Variants in SMC1B observed in about 807,000 individuals in gnomAD.
The protein encoded by SMC1B is structural maintenance of chromosomes protein 1B.
In SMC1B, 60 loss-of-function variants were observed where a neutral mutation model predicts 157.9. That is an observed-to-expected ratio of 0.38 (90% CI 0.31 to 0.47). The LOEUF (loss-of-function observed/expected upper bound fraction) is 0.47. Ranked by LOEUF, SMC1B falls within the 20% of genes least tolerant of loss-of-function variation. The pLI, the probability that SMC1B is intolerant of heterozygous loss-of-function variation, is 0.99. For synonymous variants in SMC1B, 445 were observed against 483.0 expected, an observed-to-expected ratio of 0.92 and a Z score of 1.03; for missense variants, 1,165 against 1,426.2, an observed-to-expected ratio of 0.82 and a Z score of 2.95.
At chr22:45,365,853 G>GA (rs1180637513) in intron 15 of SMC1B, among the ~76,000 whole-genome samples, 3 of 152,020 alleles carry the variant, frequency 2.0e-5, no homozygotes, top group African/African-American at 4.8e-5. Context: ...ATCTCTATGG[G>GA]AAAAAACTCC....
chr22:45,408,728 A>G lies in SMC1B; in HGVS notation c.280T>C (p.Phe94Leu), dbSNP rs756862282. 4.4e-6 allele frequency: 7 copies of G among 1,593,000 alleles called. No homozygotes were observed. Among genetic ancestry groups the G allele is most frequent in the Non-Finnish European group, 6.0e-6 (7 of 1,173,266 alleles). The change falls in exon 2 of 25, where the codon TTT (phenylalanine) becomes CTT (leucine). Residue 94 changes from phenylalanine to leucine, a missense_variant. Transcript: ENST00000357450. Reference sequence around the variant, plus strand: ...AAAATACCTCGGATAATCCTTGCAAATGTTTTCTCTTCGCCACTTTCCTCC... The same window carrying G: ...AAAATACCTCGGATAATCCTTGCAAGTGTTTTCTCTTCGCCACTTTCCTCC... Reference protein sequence around the residue: ...YVEESGEEKTFARIIRGGCSE... With the variant: ...YVEESGEEKTLARIIRGGCSE...
At chr22:45,393,311 A>AT (rs1476590589) in intron 9 of SMC1B, among the ~76,000 whole-genome samples, 1 of 152,194 alleles carries the variant, frequency 6.6e-6, no homozygotes, top group Non-Finnish European at 1.5e-5. Context: ...GTTTGAGGCT[A>AT]TGTGTCTGGG....
At chr22:45,364,147 C>T (rs2086749531) in intron 15 of SMC1B, among the ~76,000 whole-genome samples, 1 of 152,116 alleles carries the variant, frequency 6.6e-6, no homozygotes, top group African/African-American at 2.4e-5. Flanking sequence ...CCGCGCCTGG[C>T]CCAAATAACT....
chr22:45,351,393 G>T (rs902200821), intron 22 of SMC1B, among the ~76,000 whole-genome samples: 9 of 152,182 alleles, frequency 5.9e-5, no homozygotes, highest in Non-Finnish European at 1.3e-4. Flanking sequence ...CTTGTTCAAA[G>T]CAGGCCTCCA....
intron 20 of SMC1B, among the ~76,000 whole-genome samples, chr22:45,354,387 T>C (rs975884932): frequency 5.9e-5 from 9 of 151,996 alleles, no homozygotes; most frequent in African/African-American, 2.2e-4. Flanking sequence ...TGTATGTAAG[T>C]ATGTATGTAT....
chr22:45,364,629 A>G (rs1055233393), intron 15 of SMC1B, among the ~76,000 whole-genome samples: 3 of 152,146 alleles, frequency 2.0e-5, no homozygotes, highest in Non-Finnish European at 4.4e-5. Flanking sequence ...CCGTGACCAC[A>G]CTGCCTGTAG....
chr22:45,352,322 G>T, intron 22 of SMC1B, 129 bp downstream of exon 22: 1 of 786,970 alleles, frequency 1.3e-6, no homozygotes, highest in African/African-American at 1.7e-5. Flanking sequence ...TGAATTGTCT[G>T]GCTGAAGAAG....
rs1602107178 is a variant in SMC1B at position 45,413,318 on chromosome 22, C to T, written c.109+141G>A. ...GCTGGGCCAGGGCCAGGCCGGGATC[C>T]GGTCGCGGTCAGGCTCCGGGACTGG... On this transcript the variant is annotated intron_variant, in intron 1 of 24. Transcript: ENST00000357450. 20 of 625,706 alleles carry T rather than the reference C, an allele frequency of 3.2e-5. No homozygotes were observed. The East Asian group carries it at 5.0e-4, about 16-fold the overall frequency. 38.8% of individuals were successfully genotyped at this position (625,706 alleles called of 1,614,324 possible). A position where few individuals can be genotyped will look rare whatever the true frequency, so the allele number is the denominator to read the frequency against.
Position 45,393,677 on chromosome 22 carries a change from G to C in SMC1B, c.1502C>G (p.Ala501Gly). 1 of 1,614,044 alleles carries C rather than the reference G, an allele frequency of 6.2e-7. No homozygotes were observed. The highest frequency in any genetic ancestry group is 8.5e-7 in the Non-Finnish European group (1 of 1,179,992). Reference protein sequence around the residue: ...THEGKRQQKRAEVLEHLKRLY... With the variant: ...THEGKRQQKRGEVLEHLKRLY... ...TCTTTTAAGGTGTTCCAGAACCTCT[G>C]CTCTCTTTTGCTGACGTTTTCCCTC... Residue 501 changes from alanine to glycine, a missense_variant, in exon 9 of 25, where the codon GCA becomes GGA. Ala to Gly is a moderately conservative substitution (Grantham distance 60). Transcript: ENST00000357450.
chr22:45,383,329 AT>A (rs1284387757), intron 12 of SMC1B, 137 bp downstream of exon 12: 2 of 568,284 alleles, frequency 3.5e-6, no homozygotes, highest in Non-Finnish European at 5.6e-6. Context: ...AAAGATTTTT[AT>A]TTTTTATTTT....
intron 11 of SMC1B, 79 bp from the exon 12 acceptor site, chr22:45,383,692 G>T: frequency 1.6e-6 from 2 of 1,271,080 alleles, no homozygotes; most frequent in Admixed American, 2.7e-5. Flanking sequence ...AATTTTTAAA[G>T]CTAAGAATAA....
intron 22 of SMC1B, among the ~76,000 whole-genome samples, chr22:45,352,150 A>C (rs1281356205): frequency 6.6e-6 from 1 of 151,540 alleles, no homozygotes; most frequent in Non-Finnish European, 1.5e-5. Flanking sequence ...TACTCAGGTG[A>C]CTCAGGCAGA....
chr22:45,345,631 C>T lies in SMC1B; in HGVS notation c.3496-62G>A, dbSNP rs1166732920. ...AAAGGCCTTGTCTGGGCTCTGGAGACAGTAATTCTGCATGTCTCTGAGTCT... is the reference window on the plus strand; with the variant it reads ...AAAGGCCTTGTCTGGGCTCTGGAGATAGTAATTCTGCATGTCTCTGAGTCT... On this transcript the variant is annotated intron_variant, in intron 23 of 24. Coordinates refer to ENST00000357450, the MANE Select transcript of SMC1B (RefSeq NM_148674.5). The T allele has an allele frequency of 7.0e-6, 7 of 999,156 alleles. No homozygotes were observed. The Admixed American group carries it at 1.1e-4, about 15-fold the overall frequency. The allele number at this position is 999,156 out of a possible 1,614,324, so 61.9% of individuals were successfully genotyped here. A position where few individuals can be genotyped will look rare whatever the true frequency, so the allele number is the denominator to read the frequency against.
chr22:45,344,599 G>T lies in SMC1B; in HGVS notation c.3665C>A (p.Thr1222Asn). Residue 1222 changes from threonine (T) to asparagine (N), a missense_variant, in exon 25 of 25, where the codon ACT becomes AAT. Transcript: ENST00000357450. ...LTLDLSQYPD[T>N]EGQESSKRHG... ...TCTCTTGCTGCTTTCTTGGCCTTCA[G>T]TGTCTGGATACTGAGAAAGATCTAG... 1 of 1,614,162 alleles carries T rather than the reference G, an allele frequency of 6.2e-7. No individual in the cohort carries two copies. The highest frequency in any genetic ancestry group is 8.5e-7 in the Non-Finnish European group (1 of 1,179,992).
At chr22:45,405,196 A>T (rs1374624997) in intron 4 of SMC1B, among the ~76,000 whole-genome samples, 2 of 152,174 alleles carry the variant, frequency 1.3e-5, no homozygotes, top group Admixed American at 6.6e-5. Flanking sequence ...ATAAAGGTCA[A>T]GGTGGTAGCA....
chr22:45,407,921 G>A lies in SMC1B; in HGVS notation c.298+789C>T, dbSNP rs375881762. Among the ~76,000 whole-genome samples the A allele has an allele frequency of 9.2e-5, 14 of 151,894 alleles. No individual in the cohort carries two copies. In the East Asian group the frequency reaches 9.7e-4, roughly 11 times the overall value. On this transcript the variant is annotated intron_variant, in intron 2 of 24. Coordinates refer to ENST00000357450, the MANE Select transcript of SMC1B (RefSeq NM_148674.5). The stretch of plus-strand genomic sequence containing the variant: ...ATTTCTTCCTCTTTCCCAAATCCCC[G>A]CTCTTTTCCCGTAAATGTATATATA...
At chr22:45,413,024 CG>C (rs1378013540) in intron 1 of SMC1B, among the ~76,000 whole-genome samples, 1 of 150,956 alleles carries the variant, frequency 6.6e-6, no homozygotes, top group Non-Finnish European at 1.5e-5. Flanking sequence ...AGGGCGGGAC[CG>C]GGGCGGAGAG....
intron 19 of SMC1B, among the ~76,000 whole-genome samples, chr22:45,357,975 G>C (rs960518052): frequency 8.5e-5 from 13 of 152,144 alleles, no homozygotes; most frequent in African/African-American, 3.1e-4. Flanking sequence ...CTAAGGAGGT[G>C]GGGGAGAAAG....
intron 11 of SMC1B, among the ~76,000 whole-genome samples, chr22:45,385,331 T>G (rs2086979443): frequency 6.6e-6 from 1 of 152,140 alleles, no homozygotes; most frequent in Non-Finnish European, 1.5e-5. Flanking sequence ...TTAATACTAC[T>G]TGCAATGTTT....
Sources: allele counts gnomAD v4.1 joint callset (sites outside exome capture counted in the v4.1 genomes callset), GRCh38; gene constraint gnomAD v4.1.1; transcripts MANE v1.5; gene names NCBI Gene and HGNC (gene_info 2026-07-23, HGNC 2026-07-21).